Variants in XIRP2 observed in about 807,000 individuals in gnomAD.
The protein encoded by XIRP2 is xin actin-binding repeat-containing protein 2.
XIRP2 carries 236 observed loss-of-function variants against 277.0 expected under a neutral mutation model. The ratio of observed to expected loss-of-function variants is 0.85; its 90% CI spans 0.77 to 0.95. XIRP2 has a LOEUF of 0.95. Ranked by LOEUF, XIRP2 falls within the 40% of genes least tolerant of loss-of-function variation. The pLI is 0.00. For missense variants in XIRP2, 4,640 were observed against 4,157.5 expected, an observed-to-expected ratio of 1.12 and a Z score of -3.19; for synonymous variants, 1,490 against 1,416.5, an observed-to-expected ratio of 1.05 and a Z score of -1.17.
chr2:166,928,512 TG>T (rs1685246591), intron 2 of XIRP2, among the ~76,000 whole-genome samples: 1 of 152,192 alleles, frequency 6.6e-6, no homozygotes, highest in African/African-American at 2.4e-5. Flanking sequence ...CTTAAATTAC[TG>T]ATGACTGATG....
intron 2 of XIRP2, among the ~76,000 whole-genome samples, chr2:166,915,410 T>C (rs1296840047): frequency 6.6e-6 from 1 of 151,928 alleles, no homozygotes; most frequent in African/African-American, 2.4e-5. Flanking sequence ...TGTTGGGTGA[T>C]ATAGATTATG....
chr2:166,983,052 G>A (rs1224294915), intron 2 of XIRP2, among the ~76,000 whole-genome samples: 3 of 152,042 alleles, frequency 2.0e-5, no homozygotes. Context: ...GGCTTTTGCT[G>A]TTGCTATTGT....
At chr2:166,915,121 C>A (rs1404761153) in intron 2 of XIRP2, among the ~76,000 whole-genome samples, 1 of 151,284 alleles carries the variant, frequency 6.6e-6, no homozygotes, top group African/African-American at 2.4e-5. Flanking sequence ...CACGATGCAA[C>A]CACGTCTAGA....
intron 2 of XIRP2, among the ~76,000 whole-genome samples, chr2:167,104,929 G>C (rs1167497756): frequency 2.0e-5 from 3 of 151,872 alleles, no homozygotes; most frequent in African/African-American, 7.2e-5. Context: ...GCAGATGATC[G>C]AATCATCCAA....
intron 5 of XIRP2, among the ~76,000 whole-genome samples, chr2:167,225,106 G>A (rs1450911240): frequency 1.3e-5 from 2 of 152,208 alleles, no homozygotes; most frequent in African/African-American, 4.8e-5. Context: ...ATATAGGTAT[G>A]TTGGAGCCTC....
chr2:166,981,472 A>T (rs1686868022), intron 2 of XIRP2, among the ~76,000 whole-genome samples: 1 of 149,334 alleles, frequency 6.7e-6, no homozygotes, highest in Non-Finnish European at 1.5e-5. Flanking sequence ...CCCAGGTTGG[A>T]GTACAGTGGC....
intron 2 of XIRP2, among the ~76,000 whole-genome samples, chr2:166,978,414 C>G (rs973941098): frequency 7.2e-5 from 11 of 151,956 alleles, no homozygotes; most frequent in Non-Finnish European, 1.6e-4. Flanking sequence ...TTTAGAAGAG[C>G]TTGGGGAGAC....
In XIRP2 at chr2:167,244,197, G is replaced by A; in HGVS notation, c.2805G>A (p.Val935=). 6.2e-7 allele frequency: 1 copy of A among 1,613,446 alleles called. No homozygotes were observed. Among genetic ancestry groups the A allele is most frequent in the Non-Finnish European group, 8.5e-7 (1 of 1,179,790 alleles). Residue 935 remains valine (V), a synonymous_variant, in exon 9 of 11, where the codon GTG becomes GTA. Coordinates refer to ENST00000409195, the MANE Select transcript of XIRP2 (RefSeq NM_152381.6). The part of the protein sequence containing the change: ...RKDKKEYTRT[V]KLEEVDRGDV... Reference sequence around the variant, plus strand: ...ATAAAAAGGAGTACACACGAACAGTGAAACTTGAAGAAGTTGACAGAGGAG... The same window carrying A: ...ATAAAAAGGAGTACACACGAACAGTAAAACTTGAAGAAGTTGACAGAGGAG...
At chr2:166,957,953 G>A (rs1352873840) in intron 2 of XIRP2, among the ~76,000 whole-genome samples, 2 of 151,890 alleles carry the variant, frequency 1.3e-5, no homozygotes, top group African/African-American at 2.4e-5. Context: ...TTCTCTCAGT[G>A]TGATTGCTAG....
At chr2:167,181,624 C>G (rs962203410) in intron 3 of XIRP2, among the ~76,000 whole-genome samples, 1 of 151,854 alleles carries the variant, frequency 6.6e-6, no homozygotes, top group African/African-American at 2.4e-5. Context: ...CTTATTATAC[C>G]TTACCTTTTT....
intron 2 of XIRP2, among the ~76,000 whole-genome samples, chr2:166,907,287 A>C (rs1469019597): frequency 6.6e-6 from 1 of 152,228 alleles, no homozygotes; most frequent in South Asian, 2.1e-4. Flanking sequence ...TTGTTGCAAA[A>C]TTACAGGTCT....
At chr2:167,164,712 G>T (rs1692471967) in intron 3 of XIRP2, among the ~76,000 whole-genome samples, 1 of 151,988 alleles carries the variant, frequency 6.6e-6, no homozygotes, top group African/African-American at 2.4e-5. Context: ...TATCCTTTTA[G>T]ATTTTTAATG....
intron 2 of XIRP2, among the ~76,000 whole-genome samples, chr2:167,117,810 A>G (rs1182370387): frequency 6.6e-6 from 1 of 152,004 alleles, no homozygotes; most frequent in Non-Finnish European, 1.5e-5. Context: ...TTTTTTTCCC[A>G]TTTTACTCTA....
In XIRP2 at chr2:167,082,080, A is replaced by G. The variant is rs1323077476; in HGVS notation, c.409-53829A>G. ...CATCTAGCATTAGGTATACCTCCCAATGCTATCCCTCCCCCCTCCCTCTAC... is the reference window on the plus strand; with the variant it reads ...CATCTAGCATTAGGTATACCTCCCAGTGCTATCCCTCCCCCCTCCCTCTAC... On this transcript the variant is annotated intron_variant, in intron 2 of 10. Transcript: ENST00000409195. Among the ~76,000 whole-genome samples the G allele has an allele frequency of 8.7e-5, 13 of 150,004 alleles. No individual in the cohort carries two copies. The East Asian group carries it at 1.6e-3, about 18-fold the overall frequency.
intron 2 of XIRP2, among the ~76,000 whole-genome samples, chr2:167,061,189 A>T (rs1352476296): frequency 2.0e-5 from 3 of 152,174 alleles, no homozygotes; most frequent in African/African-American, 7.2e-5. Context: ...TGACTTTTGG[A>T]TACCTGTCTT....
At chr2:167,131,550 C>T (rs1259614637) in intron 2 of XIRP2, among the ~76,000 whole-genome samples, 1 of 152,146 alleles carries the variant, frequency 6.6e-6, no homozygotes, top group African/African-American at 2.4e-5. Context: ...TGTTGACATC[C>T]ATGTTGCTCA....
chr2:167,240,848 A>G (rs1695045225), intron 7 of XIRP2, 112 bp downstream of exon 7: 2 of 906,418 alleles, frequency 2.2e-6, no homozygotes, highest in South Asian at 1.4e-5. Flanking sequence ...TTTAGTAACT[A>G]TGACTCATGG....
chr2:166,929,636 C>CA (rs1319724005), intron 2 of XIRP2, among the ~76,000 whole-genome samples: 1 of 151,306 alleles, frequency 6.6e-6, no homozygotes, highest in Non-Finnish European at 1.5e-5. Flanking sequence ...AGGGTCAGTA[C>CA]TTTTTTTTTC....
chr2:167,194,647 C>T (rs1559015474), intron 3 of XIRP2, among the ~76,000 whole-genome samples: 1 of 152,108 alleles, frequency 6.6e-6, no homozygotes, highest in Non-Finnish European at 1.5e-5. Flanking sequence ...TTAGAAAACA[C>T]TGTCAGGTTA....
Sources: gnomAD v4.1 joint callset for allele counts (sites outside exome capture counted in the v4.1 genomes callset) on GRCh38, gnomAD v4.1.1 for gene constraint, MANE v1.5 for transcripts, NCBI Gene and HGNC (gene_info 2026-07-23, HGNC 2026-07-21) for gene names.